Variants in DOCK10 observed in about 807,000 individuals in gnomAD.
DOCK10 encodes dedicator of cytokinesis protein 10.
A neutral mutation model predicts 280.1 loss-of-function variants in DOCK10; 145 were observed. The observed-to-expected ratio is 0.52, with a 90% CI of 0.45 to 0.59. The LOEUF is 0.59. DOCK10 is among the 20% of genes least tolerant of loss of function. The pLI is 0.00. For synonymous variants in DOCK10, 915 were observed against 942.2 expected (o/e 0.97, Z 0.53); for missense variants, 2,368 against 2,651.7 (o/e 0.89, Z 2.35).
intron 18 of DOCK10, 23 bp downstream of exon 18, chr2:224,852,354 G>A: frequency 6.4e-7 from 1 of 1,555,664 alleles, no homozygotes; most frequent in Non-Finnish European, 8.7e-7. Flanking sequence ...TTTATGCTGG[G>A]TCCCTTTGCT....
intron 51 of DOCK10, among the ~76,000 whole-genome samples, chr2:224,776,909 C>T (rs1470705843): frequency 6.6e-6 from 1 of 152,202 alleles, no homozygotes; most frequent in African/African-American, 2.4e-5. Context: ...AGGTCCCTGC[C>T]CTGAGCTTTC....
At chr2:225,020,546 T>C (rs562212111) in intron 1 of DOCK10, among the ~76,000 whole-genome samples, 72 of 152,366 alleles carry the variant, frequency 4.7e-4, no homozygotes, top group Non-Finnish European at 9.4e-4. Context: ...AAAAGTGACA[T>C]TGATTGCTAT....
At chr2:224,965,324 A>T (rs1228948669) in intron 1 of DOCK10, among the ~76,000 whole-genome samples, 1 of 152,184 alleles carries the variant, frequency 6.6e-6, no homozygotes, top group East Asian at 1.9e-4. Flanking sequence ...AGGTAGGAAA[A>T]GTACCCGTTT....
chr2:224,977,278 G>T (rs1183377735), intron 1 of DOCK10, among the ~76,000 whole-genome samples: 1 of 152,116 alleles, frequency 6.6e-6, no homozygotes, highest in Admixed American at 6.5e-5. Flanking sequence ...TCACTTTTGA[G>T]TTGAGACCTG....
At chr2:224,986,610 G>GCT (rs34881146) in intron 1 of DOCK10, among the ~76,000 whole-genome samples, 50,745 of 149,458 alleles carry the variant, frequency 0.34, 9,619 homozygotes, top group Middle Eastern at 0.43. Flanking sequence ...ATAAACACCA[G>GCT]CTCTCTCTCT....
In DOCK10 at chr2:224,844,780, T is replaced by C. The variant is rs1696219804; in HGVS notation, c.2541A>G (p.Thr847=). The C allele has an allele frequency of 6.2e-7, 1 of 1,602,450 alleles. No individual in the cohort carries two copies. Among genetic ancestry groups the C allele is most frequent in the South Asian group, 1.1e-5 (1 of 88,550 alleles). The change falls in exon 22 of 56, where the codon ACA becomes ACG. Residue 847 remains threonine (T), a synonymous_variant. Coordinates refer to ENST00000258390, the MANE Select transcript of DOCK10 (RefSeq NM_014689.3). Reference sequence around the variant, plus strand: ...GAGTATTTACTGTTGATACAACAAATGTCGACACTTTGAAAAGTGGTTTGC... The same window carrying C: ...GAGTATTTACTGTTGATACAACAAACGTCGACACTTTGAAAAGTGGTTTGC... ...DGGKPLFKVS[T]FVVSTVNTQD... is the part of the protein sequence containing the mutation.
intron 1 of DOCK10, among the ~76,000 whole-genome samples, chr2:224,992,070 T>C (rs1706142009): frequency 1.3e-5 from 2 of 152,150 alleles, no homozygotes; most frequent in East Asian, 3.8e-4. Flanking sequence ...AGATAAAACC[T>C]CCAACAGCAA....
intron 7 of DOCK10, among the ~76,000 whole-genome samples, chr2:224,880,192 A>C (rs1461194678): frequency 6.6e-6 from 1 of 152,234 alleles, no homozygotes; most frequent in Non-Finnish European, 1.5e-5. Flanking sequence ...AAATTTGAGC[A>C]AAGTATTACA....
chr2:224,823,821 A>G, intron 27 of DOCK10, among the ~76,000 whole-genome samples, 174 bp from the exon 28 acceptor site: 1 of 152,264 alleles, frequency 6.6e-6, no homozygotes, highest in East Asian at 1.9e-4. Flanking sequence ...CATGATTTCC[A>G]TCATTAATAT....
intron 4 of DOCK10, among the ~76,000 whole-genome samples, chr2:224,890,952 T>C (rs1415451207): frequency 6.6e-6 from 1 of 152,228 alleles, no homozygotes; most frequent in Non-Finnish European, 1.5e-5. Flanking sequence ...TGCAGACATC[T>C]ATAGCTGTAT....
At chr2:224,945,502 GAGAT>G (rs1703353959) in intron 1 of DOCK10, among the ~76,000 whole-genome samples, 2 of 152,096 alleles carry the variant, frequency 1.3e-5, no homozygotes, top group Non-Finnish European at 2.9e-5. Context: ...ACACACTCCT[GAGAT>G]AGAAACTGAA....
chr2:224,871,719 C>G (rs910826776), intron 11 of DOCK10, among the ~76,000 whole-genome samples: 50 of 152,216 alleles, frequency 3.3e-4, no homozygotes, highest in African/African-American at 1.1e-3. Flanking sequence ...TCTCCCCTGA[C>G]CTGCCTTTTT....
At chr2:224,872,943 T>C (rs1336159564) in intron 11 of DOCK10, among the ~76,000 whole-genome samples, 1 of 152,200 alleles carries the variant, frequency 6.6e-6, no homozygotes, top group Non-Finnish European at 1.5e-5. Context: ...TGAGTGATTT[T>C]AAAAAATAAT....
chr2:224,854,830 C>A, intron 16 of DOCK10, 133 bp downstream of exon 16: 1 of 605,342 alleles, frequency 1.7e-6, no homozygotes, highest in South Asian at 2.1e-5. Flanking sequence ...AAAAAAAACC[C>A]AAAACCTTGT....
chr2:224,811,092 C>G (rs55818618), intron 31 of DOCK10, among the ~76,000 whole-genome samples: 39,415 of 151,576 alleles, frequency 0.26, 8,214 homozygotes, highest in African/African-American at 0.58. Context: ...CTAGTTTACA[C>G]TCCCACCAAC....
chr2:224,767,172 GT>G (rs11302345), intron 55 of DOCK10, among the ~76,000 whole-genome samples: 68,195 of 150,556 alleles, frequency 0.45, 16,128 homozygotes, highest in African/African-American at 0.6. Flanking sequence ...CAATCATGTA[GT>G]TTTTTTTTTA....
At chr2:224,918,523 TAG>T (rs1050096256) in intron 2 of DOCK10, among the ~76,000 whole-genome samples, 1 of 144,422 alleles carries the variant, frequency 6.9e-6, no homozygotes, top group African/African-American at 2.6e-5. Flanking sequence ...TGTGTAGTGT[TAG>T]AGTGTGTGAC....
intron 55 of DOCK10, chr2:224,769,012 G>T: frequency 2.3e-6 from 1 of 438,914 alleles, no homozygotes; most frequent in Non-Finnish European, 4.5e-6. Flanking sequence ...ATTTACAGTT[G>T]GAGACAAGCA....
intron 46 of DOCK10, 119 bp from the exon 47 acceptor site, chr2:224,793,191 C>T (rs1187423219): frequency 1.2e-6 from 1 of 869,172 alleles, no homozygotes; most frequent in Admixed American, 2.3e-5. Flanking sequence ...AGTTGACCAT[C>T]CAGTTAGCCT....
Sources: allele counts gnomAD v4.1 joint callset (sites outside exome capture counted in the v4.1 genomes callset), GRCh38; gene constraint gnomAD v4.1.1; transcripts MANE v1.5; gene names NCBI Gene and HGNC (gene_info 2026-07-23, HGNC 2026-07-21).